WDR82: variants seen among roughly 807,000 people sequenced by gnomAD.
The protein encoded by WDR82 is WD repeat-containing protein 82.
A neutral mutation model predicts 36.1 loss-of-function variants in WDR82; 8 were observed. The ratio of observed to expected loss-of-function variants is 0.22; its 90% confidence interval spans 0.13 to 0.40. The LOEUF (loss-of-function observed/expected upper bound fraction) is 0.40, where lower values mean the gene tolerates loss of function less well. Ranked by LOEUF, WDR82 falls within the 10% of genes least tolerant of loss-of-function variation. The pLI is 1.00. For missense variants in WDR82, 185 were observed against 400.5 expected (o/e 0.46, Z 4.59); for synonymous variants, 129 against 137.8 (o/e 0.94, Z 0.45).
chr3:52,258,703 G>GT, intron 7 of WDR82, 25 bp from the exon 8 acceptor site: 3 of 1,614,068 alleles, frequency 1.9e-6, no homozygotes, highest in Non-Finnish European at 2.5e-6. Context: ...CACGGAAAAT[G>GT]TAACAGCTCA....
chr3:52,266,009 A>G (rs1176895481), intron 3 of WDR82, among the ~76,000 whole-genome samples: 3 of 152,230 alleles, frequency 2.0e-5, no homozygotes, highest in African/African-American at 7.2e-5. Flanking sequence ...TTAAAATATT[A>G]TCCAGGGGAA....
At position 52,272,281 on chromosome 3, in the gene WDR82, C is replaced by T. The variant is rs949098334; in HGVS notation, c.162-1472G>A. On this transcript the variant is annotated intron_variant, in intron 1 of 8. Coordinates refer to ENST00000296490, the MANE Select transcript of WDR82 (RefSeq NM_025222.4). ...ATTTTAGGCTGGGCGTGGTGGCTCA[C>T]GCCTGTAATCTCAGCACTTTGGGAG... Among the ~76,000 whole-genome samples the T allele has an allele frequency of 5.9e-5, 9 of 152,136 alleles. No individual in the cohort carries two copies. In the South Asian group the frequency reaches 1.0e-3, roughly 17 times the overall value.
chr3:52,261,850 T>A (rs955697085), intron 3 of WDR82, among the ~76,000 whole-genome samples: 1 of 152,188 alleles, frequency 6.6e-6, no homozygotes, highest in Non-Finnish European at 1.5e-5. Context: ...ACAGTTGCTT[T>A]GGAAAAGTTT....
rs1408142154 is a variant in WDR82 at position 52,278,385 on chromosome 3, G to A, written c.-24C>T. On this transcript the variant is annotated 5_prime_UTR_variant, in exon 1 of 9. Coordinates refer to ENST00000296490, the MANE Select transcript of WDR82 (RefSeq NM_025222.4). ...ATGGCGGCGGCTGGGGAAGGCAGCG[G>A]CGGCGCAGGGCCGGGGCGGGGCCCG... 3 of 1,472,038 alleles carry A rather than the reference G, an allele frequency of 2.0e-6. 1 individual carries two copies. Among genetic ancestry groups the A allele is most frequent in the South Asian group, 2.6e-5 (2 of 77,994 alleles). The allele number at this position is 1,472,038 out of a possible 1,614,324, so 91.2% of individuals were successfully genotyped here.
In WDR82 at chr3:52,255,142, A is replaced by C. The variant is rs568096093; in HGVS notation, c.*2348T>G. 6.6e-5 allele frequency: 10 copies of C among 152,142 alleles called. No individual in the cohort carries two copies. Among genetic ancestry groups the C allele is most frequent in the African/African-American group, 2.4e-4 (10 of 41,494 alleles). 9.4% of individuals were successfully genotyped at this position (152,142 alleles called of 1,614,324 possible). On this transcript the variant is annotated 3_prime_UTR_variant, in exon 9 of 9. Coordinates refer to ENST00000296490, the MANE Select transcript of WDR82 (RefSeq NM_025222.4). Reference sequence around the variant, plus strand: ...TTTTTAGTAGAGATGGGGTTTCTCCATGTTGGTCAGGCTGGTCTCAAACTC... The same window carrying C: ...TTTTTAGTAGAGATGGGGTTTCTCCCTGTTGGTCAGGCTGGTCTCAAACTC...
At chr3:52,275,017 T>C (rs1700190614) in intron 1 of WDR82, among the ~76,000 whole-genome samples, 1 of 152,076 alleles carries the variant, frequency 6.6e-6, no homozygotes, top group Non-Finnish European at 1.5e-5. Context: ...AGGTCGGGAA[T>C]TCGAGACCAG....
At position 52,278,285 on chromosome 3, in the gene WDR82, C is replaced by G; in HGVS notation, c.77G>C (p.Cys26Ser). 6.2e-7 allele frequency: 1 copy of G among 1,610,450 alleles called. No homozygotes were observed. The highest frequency in any genetic ancestry group is 8.5e-7 in the Non-Finnish European group (1 of 1,178,786). Residue 26 changes from cysteine (C) to serine (S), a missense_variant, in exon 1 of 9, where the codon TGC becomes TCC. By Grantham distance (112) the Cys-to-Ser change is moderately radical. Coordinates refer to ENST00000296490, the MANE Select transcript of WDR82 (RefSeq NM_025222.4). ...VFRENSDKIN[C>S]FDFSPNGETV... Reference sequence around the variant, plus strand: ...CTCGCCGTTGGGGCTGAAATCGAAGCAGTTAATCTTGTCCGAGTTTTCGCG... The same window carrying G: ...CTCGCCGTTGGGGCTGAAATCGAAGGAGTTAATCTTGTCCGAGTTTTCGCG...
chr3:52,262,392 G>A lies in WDR82; in HGVS notation c.327-913C>T, dbSNP rs537944400. On this transcript the variant is annotated intron_variant, in intron 3 of 8. Transcript: ENST00000296490. The stretch of plus-strand genomic sequence containing the variant: ...TTTTTAAAGGAATCATTTACAGTAT[G>A]TAGACTGTATCTCAATTAAAAAAAC... 1.6e-4 allele frequency among the ~76,000 whole-genome samples: 25 copies of A among 152,322 alleles called. 1 individual carries two copies. The South Asian group carries it at 4.3e-3, about 26-fold the overall frequency.
intron 7 of WDR82, 80 bp downstream of exon 7, chr3:52,259,117 A>G: frequency 7.6e-7 from 1 of 1,313,836 alleles, no homozygotes; most frequent in Non-Finnish European, 1.1e-6. Context: ...AATAGATAAT[A>G]ATGTCTCAGT....
chr3:52,276,946 T>C (rs974265039), intron 1 of WDR82, among the ~76,000 whole-genome samples: 2 of 151,328 alleles, frequency 1.3e-5, no homozygotes, highest in African/African-American at 4.9e-5. Flanking sequence ...CAAACTAGCA[T>C]TACTTCAGAT....
intron 8 of WDR82, among the ~76,000 whole-genome samples, chr3:52,257,980 T>C (rs1700028319): frequency 1.3e-5 from 2 of 151,862 alleles, no homozygotes; most frequent in African/African-American, 2.4e-5. Flanking sequence ...CCGGGTAGGC[T>C]AGTAATGAAA....
At position 52,278,202 on chromosome 3, in the gene WDR82, T is replaced by A. The variant is rs1362905121; in HGVS notation, c.160A>T (p.Lys54Ter). 6.3e-7 allele frequency: 1 copy of A among 1,597,138 alleles called. No individual in the cohort carries two copies. Among genetic ancestry groups the A allele is most frequent in the Non-Finnish European group, 8.5e-7 (1 of 1,171,652 alleles). The change falls in exon 1 of 9, where the codon AAA becomes TAA. Residue 54 changes from lysine (K) to a stop codon, truncating the protein, a stop_gained and splice_region_variant. Transcript: ENST00000296490. LOFTEE classifies it high-confidence loss of function. ...GCCCAGGGCCTCCGCCGCACTCACT[T>A]GCCCTCCTGGCAGTCATAGAGCACG... ...SIVLYDCQEG[K>*]PKRTLYSKKY...
At chr3:52,273,183 G>T (rs1700169484) in intron 1 of WDR82, among the ~76,000 whole-genome samples, 1 of 152,152 alleles carries the variant, frequency 6.6e-6, no homozygotes, top group African/African-American at 2.4e-5. Context: ...GTAATCTCAG[G>T]CTTTGGGAAG....
At chr3:52,276,517 G>A (rs1700204519) in intron 1 of WDR82, among the ~76,000 whole-genome samples, 1 of 151,994 alleles carries the variant, frequency 6.6e-6, no homozygotes, top group Admixed American at 6.6e-5. Flanking sequence ...CCAAATTTGG[G>A]GACAAACTGC....
At position 52,261,234 on chromosome 3, in the gene WDR82, TA is replaced by T. The variant is rs1191606578; in HGVS notation, c.426+145del. 1.0e-5 allele frequency: 7 copies of T among 668,142 alleles called. No homozygotes were observed. In the Admixed American group the frequency reaches 1.3e-4, roughly 13 times the overall value. 41.4% of individuals were successfully genotyped at this position (668,142 alleles called of 1,614,324 possible). On this transcript the variant is annotated intron_variant, in intron 4 of 8. Coordinates refer to ENST00000296490, the MANE Select transcript of WDR82 (RefSeq NM_025222.4). ...GGGTATGTGCTTAGCAGCTACCAAC[TA>T]AAAAAACAGATTTTCTCCAAAGTTT...
At chr3:52,260,635 A>G in intron 4 of WDR82, 134 bp from the exon 5 acceptor site, 1 of 488,484 alleles carries the variant, frequency 2.0e-6, no homozygotes, top group East Asian at 3.4e-5. Flanking sequence ...TACTTTTCCC[A>G]ATTAAAACTA....
Position 52,270,767 on chromosome 3 carries a change from G to A in WDR82, c.204C>T (p.Leu68=). ...TGTTTGCTGCATGAGTGTATCTGATGAGGTCCACACCATATTTCTTACTGT... is the reference window on the plus strand; with the variant it reads ...TGTTTGCTGCATGAGTGTATCTGATAAGGTCCACACCATATTTCTTACTGT... ...TLYSKKYGVD[L]IRYTHAANTV... Residue 68 remains leucine, a synonymous_variant, in exon 2 of 9, where the codon CTC becomes CTT. Transcript: ENST00000296490. 2 of 1,613,470 alleles carry A rather than the reference G, an allele frequency of 1.2e-6. No individual in the cohort carries two copies. The highest frequency in any genetic ancestry group is 2.2e-5 in the East Asian group (1 of 44,848).
intron 1 of WDR82, among the ~76,000 whole-genome samples, chr3:52,277,902 C>T (rs928730221): frequency 1.3e-5 from 2 of 152,096 alleles, no homozygotes; most frequent in African/African-American, 4.8e-5. Context: ...CCAGGGTGGG[C>T]GGACCGGGCG....
intron 8 of WDR82, 35 bp downstream of exon 8, chr3:52,258,501 C>T (rs1291770481): frequency 1.2e-6 from 2 of 1,612,034 alleles, no homozygotes; most frequent in Non-Finnish European, 1.7e-6. Context: ...TGGGAAGGGT[C>T]CCTGAGTAGC....
Sources: allele counts gnomAD v4.1 joint callset (sites outside exome capture counted in the v4.1 genomes callset), GRCh38; gene constraint gnomAD v4.1.1; transcripts MANE v1.5; gene names NCBI Gene and HGNC (gene_info 2026-07-23, HGNC 2026-07-21).